The following MCC variants were observed in gnomAD, a reference collection of about 807,000 sequenced individuals.
The protein encoded by MCC is colorectal mutant cancer protein.
A neutral mutation model predicts 116.2 loss-of-function variants in MCC; 90 were observed. That is an observed-to-expected ratio of 0.77 (90% CI 0.65 to 0.92). The LOEUF is 0.92. Ranked by LOEUF, MCC falls within the 40% of genes least tolerant of loss-of-function variation. The probability of loss-of-function intolerance (pLI) is 0.00; values close to 1 mark genes in which losing one functional copy is unlikely to be tolerated. For missense variants in MCC, 1,516 were observed against 1,312.2 expected (o/e 1.16, Z -2.40); for synonymous variants, 578 against 510.5 (o/e 1.13, Z -1.78).
intron 3 of MCC, among the ~76,000 whole-genome samples, chr5:113,328,455 T>C (rs181308432): frequency 6.6e-6 from 1 of 152,214 alleles, no homozygotes; most frequent in East Asian, 1.9e-4. Context: ...TACTGAGAAG[T>C]TAATGTGGGA....
chr5:113,114,779 T>C (rs1211118842), intron 6 of MCC, among the ~76,000 whole-genome samples: 2 of 152,154 alleles, frequency 1.3e-5, no homozygotes, highest in Non-Finnish European at 2.9e-5. Context: ...GAAGATTACC[T>C]TCCCGTTCCA....
chr5:113,332,781 A>G (rs1465711711), intron 3 of MCC, among the ~76,000 whole-genome samples: 1 of 151,684 alleles, frequency 6.6e-6, no homozygotes, highest in South Asian at 2.1e-4. Flanking sequence ...ATCTTCTGCA[A>G]ATTAACATCC....
chr5:113,155,921 T>C (rs1048060680), intron 3 of MCC, among the ~76,000 whole-genome samples: 1 of 152,226 alleles, frequency 6.6e-6, no homozygotes, highest in Non-Finnish European at 1.5e-5. Context: ...GACAAAGTTC[T>C]GGCCAGTGCG....
At chr5:113,140,031 G>T (rs762756981) in intron 5 of MCC, among the ~76,000 whole-genome samples, 3 of 152,092 alleles carry the variant, frequency 2.0e-5, no homozygotes, top group Non-Finnish European at 4.4e-5. Flanking sequence ...TGCATCAAAG[G>T]TCTATCCAGC....
intron 11 of MCC, among the ~76,000 whole-genome samples, chr5:113,080,157 G>A (rs1754750170): frequency 6.6e-6 from 1 of 152,192 alleles, no homozygotes; most frequent in Non-Finnish European, 1.5e-5. Context: ...GAAACAACAG[G>A]TGCTGGAAAG....
chr5:113,071,815 G>A (rs1451216846), intron 11 of MCC, among the ~76,000 whole-genome samples: 1 of 152,142 alleles, frequency 6.6e-6, no homozygotes, highest in Non-Finnish European at 1.5e-5. Flanking sequence ...AAACTACAGA[G>A]AGAACCAAAG....
chr5:113,250,986 AC>A (rs1238471339), intron 3 of MCC, among the ~76,000 whole-genome samples: 1 of 152,210 alleles, frequency 6.6e-6, no homozygotes, highest in Non-Finnish European at 1.5e-5. Context: ...AAGGATTTAT[AC>A]CTTTTCCTTA....
At chr5:113,312,641 G>A (rs1020352218) in intron 3 of MCC, among the ~76,000 whole-genome samples, 10 of 152,218 alleles carry the variant, frequency 6.6e-5, no homozygotes, top group African/African-American at 1.2e-4. Flanking sequence ...TGTAGATGAT[G>A]TGAAGGGTTT....
chr5:113,262,115 C>G (rs1021827560), intron 3 of MCC, among the ~76,000 whole-genome samples: 2 of 151,806 alleles, frequency 1.3e-5, no homozygotes, highest in Non-Finnish European at 2.9e-5. Context: ...AGTACGAGGT[C>G]CATGCAAAAC....
chr5:113,426,063 G>A (rs2150409000), intron 1 of MCC, among the ~76,000 whole-genome samples: 2 of 152,180 alleles, frequency 1.3e-5, no homozygotes, highest in South Asian at 4.2e-4. Flanking sequence ...AGGGACTGAG[G>A]GCTGGTAGGT....
At chr5:113,302,617 T>C (rs935641873) in intron 3 of MCC, among the ~76,000 whole-genome samples, 2 of 152,148 alleles carry the variant, frequency 1.3e-5, no homozygotes, top group African/African-American at 4.8e-5. Flanking sequence ...TATTAAAATA[T>C]TTAGGGGTAA....
chr5:113,229,615 G>T (rs981509691), intron 3 of MCC, among the ~76,000 whole-genome samples: 2 of 152,208 alleles, frequency 1.3e-5, no homozygotes, highest in African/African-American at 4.8e-5. Context: ...GAACTATTTT[G>T]CAATTACAGT....
intron 5 of MCC, among the ~76,000 whole-genome samples, chr5:113,142,473 G>A (rs1256026857): frequency 6.6e-6 from 1 of 151,886 alleles, no homozygotes; most frequent in Non-Finnish European, 1.5e-5. Context: ...TAGAGGCCAA[G>A]TGATTAATAA....
intron 11 of MCC, among the ~76,000 whole-genome samples, chr5:113,075,736 C>G (rs1754403525): frequency 6.6e-6 from 1 of 152,206 alleles, no homozygotes; most frequent in South Asian, 2.1e-4. Flanking sequence ...CCAGCAGCAG[C>G]AACCCGCTCG....
At chr5:113,207,944 G>C (rs776762547) in intron 3 of MCC, among the ~76,000 whole-genome samples, 6 of 152,068 alleles carry the variant, frequency 3.9e-5, no homozygotes, top group Non-Finnish European at 5.9e-5. Flanking sequence ...GACTTCAATC[G>C]TGTCTGCCTT....
At chr5:113,419,584 A>T (rs1249462377) in intron 1 of MCC, among the ~76,000 whole-genome samples, 1 of 152,082 alleles carries the variant, frequency 6.6e-6, no homozygotes, top group African/African-American at 2.4e-5. Context: ...GTACTTTAAA[A>T]ATGGTGAAAT....
In MCC at chr5:113,031,341, T is replaced by C. The variant is rs563195465; in HGVS notation, c.2757-2285A>G. 9.9e-5 allele frequency among the ~76,000 whole-genome samples: 15 copies of C among 152,146 alleles called. No individual in the cohort carries two copies. The East Asian group carries it at 1.9e-3, about 20-fold the overall frequency. On this transcript the variant is annotated intron_variant, in intron 17 of 18. Transcript: ENST00000408903. ...GATCTGGCTGCATTTCCTCCCGGCA[T>C]TGGAGAGTGGCAGCATTTCCTACCA... is the stretch of plus-strand genomic sequence containing the variant.
At position 113,101,728 on chromosome 5, in the gene MCC, A is replaced by AAG; in HGVS notation, c.1398+10_1398+11insCT. 9.3e-6 allele frequency: 15 copies of AAG among 1,612,654 alleles called. No homozygotes were observed. Among genetic ancestry groups the AAG allele is most frequent in the Non-Finnish European group, 1.1e-5 (13 of 1,179,986 alleles). ...GGAAGGGCCTGACCATTATGGATGC[A>AAG]GCATGCTCACCCTCCTCCGGAGCCG... On this transcript the variant is annotated intron_variant, in intron 8 of 18. Transcript: ENST00000408903.
chr5:113,075,395 C>T (rs1284734806), intron 11 of MCC, among the ~76,000 whole-genome samples: 7 of 152,224 alleles, frequency 4.6e-5, no homozygotes, highest in Non-Finnish European at 7.3e-5. Context: ...CCAGTCCCAT[C>T]GACCGCCCAA....
Sources: gnomAD v4.1 joint callset for allele counts (sites outside exome capture counted in the v4.1 genomes callset) on GRCh38, gnomAD v4.1.1 for gene constraint, MANE v1.5 for transcripts, NCBI Gene and HGNC (gene_info 2026-07-23, HGNC 2026-07-21) for gene names.